ADARB2: variants seen among roughly 807,000 people sequenced by gnomAD.
ADARB2 encodes inactive double-stranded RNA-specific editase B2.
ADARB2 carries 25 observed loss-of-function variants against 62.2 expected under a neutral mutation model. That is an observed-to-expected ratio of 0.40 (90% CI 0.29 to 0.56). ADARB2 has a LOEUF of 0.56. Among genes scored for constraint, ADARB2 ranks in the 20% least tolerant of loss-of-function variants. ADARB2 has a pLI of 0.43. For synonymous variants in ADARB2, 572 were observed against 500.8 expected (o/e 1.14, Z -1.90); for missense variants, 1,071 against 1,077.4 (o/e 0.99, Z 0.08).
chr10:1,440,578 A>G (rs2131895439), intron 1 of ADARB2, among the ~76,000 whole-genome samples: 1 of 152,322 alleles, frequency 6.6e-6, no homozygotes, highest in Admixed American at 6.5e-5. Flanking sequence ...TTCAATTTTA[A>G]TTCTTAGTTT....
intron 1 of ADARB2, among the ~76,000 whole-genome samples, chr10:1,462,805 A>C (rs571095038): frequency 1.3e-5 from 2 of 151,662 alleles, no homozygotes; most frequent in Admixed American, 6.6e-5. Flanking sequence ...GTGTATGTAC[A>C]TGTGTGTGTC....
At chr10:1,629,891 A>G (rs957769921) in intron 1 of ADARB2, among the ~76,000 whole-genome samples, 3 of 152,130 alleles carry the variant, frequency 2.0e-5, no homozygotes, top group Non-Finnish European at 4.4e-5. Context: ...GGAGCGAGAC[A>G]CAGAGAATGC....
intron 1 of ADARB2, among the ~76,000 whole-genome samples, chr10:1,475,601 A>C (rs1466640774): frequency 6.6e-6 from 1 of 152,226 alleles, no homozygotes; most frequent in Non-Finnish European, 1.5e-5. Flanking sequence ...AGACAAACAA[A>C]AGATGTGACA....
chr10:1,630,956 AAAACAAAC>A (rs57053077), intron 1 of ADARB2, among the ~76,000 whole-genome samples: 35,837 of 149,298 alleles, frequency 0.24, 4,371 homozygotes, highest in Non-Finnish European at 0.28. Context: ...CTCCTTCTCA[AAAACAAAC>A]AAACAAACAA....
At chr10:1,699,031 G>A (rs1834785632) in intron 1 of ADARB2, among the ~76,000 whole-genome samples, 1 of 152,204 alleles carries the variant, frequency 6.6e-6, no homozygotes, top group African/African-American at 2.4e-5. Flanking sequence ...GAAGTGCTGG[G>A]ATTACAGGCA....
intron 1 of ADARB2, among the ~76,000 whole-genome samples, chr10:1,736,228 A>G (rs1415434317): frequency 1.3e-5 from 2 of 152,248 alleles, no homozygotes; most frequent in Non-Finnish European, 2.9e-5. Flanking sequence ...GCATGCACAC[A>G]GGCTACGATG....
At chr10:1,272,334 A>C (rs114118887) in intron 3 of ADARB2, among the ~76,000 whole-genome samples, 88 of 152,360 alleles carry the variant, frequency 5.8e-4, no homozygotes, top group Non-Finnish European at 9.1e-4. Flanking sequence ...ATTGCTGCTG[A>C]TAAGGACAGC....
Position 1,608,411 on chromosome 10 carries a change from A to G in ADARB2, c.100+128640T>C, listed in dbSNP as rs529361384. On this transcript the variant is annotated intron_variant, in intron 1 of 9. Coordinates refer to ENST00000381312, the MANE Select transcript of ADARB2 (RefSeq NM_018702.4). ...AGTGTGCAGTGCATGAAAGAACTCT[A>G]CCACTCTATCTTCGGGGACCATTGA... 8.6e-5 allele frequency among the ~76,000 whole-genome samples: 13 copies of G among 151,956 alleles called. No homozygotes were observed. In the Middle Eastern group the frequency reaches 0.014, roughly 159 times the overall value.
In ADARB2 at chr10:1,489,553, C is replaced by T. The variant is rs550872015; in HGVS notation, c.101-110393G>A. ...CCGCAAGTCTCGAGCTTTCTGTTTGCATTAGCGGAAGAAAAACAACAAAGT... is the reference window on the plus strand; with the variant it reads ...CCGCAAGTCTCGAGCTTTCTGTTTGTATTAGCGGAAGAAAAACAACAAAGT... On this transcript the variant is annotated intron_variant, in intron 1 of 9. Coordinates refer to ENST00000381312, the MANE Select transcript of ADARB2 (RefSeq NM_018702.4). Among the ~76,000 whole-genome samples the T allele has an allele frequency of 5.6e-4, 85 of 152,340 alleles. No individual in the cohort carries two copies. In the South Asian group the frequency reaches 0.016, roughly 28 times the overall value.
intron 3 of ADARB2, among the ~76,000 whole-genome samples, chr10:1,325,908 T>G (rs1333327560): frequency 6.6e-6 from 1 of 151,938 alleles, no homozygotes; most frequent in Non-Finnish European, 1.5e-5. Flanking sequence ...CGGGACATAG[T>G]GATTCTCCTG....
At chr10:1,293,397 A>T (rs1831495387) in intron 3 of ADARB2, among the ~76,000 whole-genome samples, 2 of 124,900 alleles carry the variant, frequency 1.6e-5, no homozygotes. Context: ...AAGCAGTTTT[A>T]CTCTTCATGT....
intron 1 of ADARB2, among the ~76,000 whole-genome samples, chr10:1,571,813 A>G (rs1344733081): frequency 8.3e-6 from 1 of 121,118 alleles, no homozygotes; most frequent in African/African-American, 3.3e-5. Context: ...AGGTGAGTGG[A>G]CAGGTGAGTA....
At chr10:1,304,794 T>C (rs1831610474) in intron 3 of ADARB2, among the ~76,000 whole-genome samples, 1 of 148,038 alleles carries the variant, frequency 6.8e-6, no homozygotes, top group African/African-American at 2.5e-5. Flanking sequence ...CATAACGAAA[T>C]GAAGGCAGAA....
intron 4 of ADARB2, among the ~76,000 whole-genome samples, chr10:1,266,518 G>T (rs1457467372): frequency 6.6e-6 from 1 of 150,800 alleles, no homozygotes; most frequent in Admixed American, 6.6e-5. Context: ...GGGTGGGGGG[G>T]GGGCCGTGCC....
At chr10:1,455,346 C>G (rs895390036) in intron 1 of ADARB2, among the ~76,000 whole-genome samples, 6 of 152,050 alleles carry the variant, frequency 3.9e-5, no homozygotes, top group Non-Finnish European at 7.4e-5. Context: ...TTATGATGAG[C>G]AAAATAATTA....
chr10:1,232,504 ATG>A (rs1198321705), intron 6 of ADARB2, among the ~76,000 whole-genome samples: 5 of 80,946 alleles, frequency 6.2e-5, no homozygotes, highest in East Asian at 0.012. Context: ...ATGCATGTGT[ATG>A]TGGTATGTGC....
chr10:1,277,360 CAAGACT>C (rs2131802870), intron 3 of ADARB2, among the ~76,000 whole-genome samples: 1 of 152,050 alleles, frequency 6.6e-6, no homozygotes, highest in Non-Finnish European at 1.5e-5. Context: ...AGACCGCTAG[CAAGACT>C]AATAAAGAAG....
intron 4 of ADARB2, among the ~76,000 whole-genome samples, chr10:1,251,839 C>T (rs558902908): frequency 1.3e-5 from 2 of 152,188 alleles, no homozygotes; most frequent in African/African-American, 2.4e-5. Flanking sequence ...TCCCATCTGC[C>T]ATGTGAGGAT....
chr10:1,380,895 T>A (rs188219685), intron 1 of ADARB2, among the ~76,000 whole-genome samples: 30 of 152,300 alleles, frequency 2.0e-4, no homozygotes, highest in Admixed American at 1.7e-3. Flanking sequence ...GTCTGGAGGA[T>A]CTCAAGATGA....
Sources: allele counts gnomAD v4.1 joint callset (sites outside exome capture counted in the v4.1 genomes callset), GRCh38; gene constraint gnomAD v4.1.1; transcripts MANE v1.5; gene names NCBI Gene and HGNC (gene_info 2026-07-23, HGNC 2026-07-21).